The following KREMEN1 variants were observed in gnomAD, a reference collection of about 807,000 sequenced individuals.
The protein encoded by KREMEN1 is kringle containing transmembrane protein 1.
Under a neutral mutation model 46.5 loss-of-function variants are expected in KREMEN1, and 30 were observed. The observed-to-expected ratio is 0.65, with a 90% confidence interval of 0.48 to 0.88. The LOEUF is 0.88. Among genes scored for constraint, KREMEN1 ranks in the 40% least tolerant of loss-of-function variants. The probability of loss-of-function intolerance (pLI) is 0.00; values close to 1 mark genes in which losing one functional copy is unlikely to be tolerated. For synonymous variants in KREMEN1, 214 were observed against 230.6 expected, an observed-to-expected ratio of 0.93 and a Z score of 0.65; for missense variants, 533 against 596.9, an observed-to-expected ratio of 0.89 and a Z score of 1.11.
intron 5 of KREMEN1, 56 bp downstream of exon 5, chr22:29,125,472 C>T: frequency 6.3e-7 from 1 of 1,576,672 alleles, no homozygotes; most frequent in Non-Finnish European, 8.7e-7. Flanking sequence ...TGGACCAGAG[C>T]AACAAGCCTG....
intron 9 of KREMEN1, among the ~76,000 whole-genome samples, chr22:29,163,098 C>T (rs2039025164): frequency 6.6e-6 from 1 of 152,036 alleles, no homozygotes; most frequent in Non-Finnish European, 1.5e-5. Context: ...CTGTAATCCC[C>T]ACGTGTTGAG....
Position 29,094,341 on chromosome 22 carries a change from A to G in KREMEN1, c.181A>G (p.Asn61Asp). Residue 61 changes from asparagine to aspartate, a missense_variant, in exon 2 of 9, where the codon AAC becomes GAC. Asn to Asp is a conservative substitution (Grantham distance 23). Coordinates refer to ENST00000400335, the MANE Select transcript of KREMEN1 (RefSeq NM_001039570.3). Reference protein sequence around the residue: ...LQGGKPCLFWNETFQHPYNTL... With the variant: ...LQGGKPCLFWDETFQHPYNTL... Reference sequence around the variant, plus strand: ...AGGCGGGAAGCCATGTCTGTTTTGGAACGAGACTTTCCAGCATCCATACAA... The same window carrying G: ...AGGCGGGAAGCCATGTCTGTTTTGGGACGAGACTTTCCAGCATCCATACAA... 1 of 1,614,096 alleles carries G rather than the reference A, an allele frequency of 6.2e-7. No homozygotes were observed. Among genetic ancestry groups the G allele is most frequent in the Non-Finnish European group, 8.5e-7 (1 of 1,179,984 alleles).
At chr22:29,120,323 T>G in intron 3 of KREMEN1, among the ~76,000 whole-genome samples, 1 of 140,380 alleles carries the variant, frequency 7.1e-6, no homozygotes, top group African/African-American at 2.7e-5. Context: ...GAGGGAGAGG[T>G]GATGATGGAA....
chr22:29,146,034 C>T lies in KREMEN1; in HGVS notation c.*3922C>T, dbSNP rs1316183020. The T allele has an allele frequency of 2.6e-5, 26 of 985,836 alleles. No homozygotes were observed. The highest frequency in any genetic ancestry group is 4.7e-5 in the South Asian group (1 of 21,280). The allele number at this position is 985,836 out of a possible 1,614,324, so 61.1% of individuals were successfully genotyped here. The stretch of plus-strand genomic sequence containing the variant: ...CGCTTACTCTTCACAAGCACTTATA[C>T]GCGGATGGCCTCCGAGACCCTGCCT... On this transcript the variant is annotated 3_prime_UTR_variant, in exon 9 of 9. Transcript: ENST00000400335.
At chr22:29,076,827 G>C (rs1291075021) in intron 1 of KREMEN1, among the ~76,000 whole-genome samples, 1 of 152,196 alleles carries the variant, frequency 6.6e-6, no homozygotes, top group Non-Finnish European at 1.5e-5. Context: ...ACTCCAGCCT[G>C]GGCAATAAGA....
downstream of KREMEN1, among the ~76,000 whole-genome samples, chr22:29,150,226 G>T (rs755354789): frequency 0.086 from 13,069 of 152,268 alleles, 589 homozygotes; most frequent in South Asian, 0.11. Context: ...ACTGGTGGGG[G>T]GGGGGGCAGT....
chr22:29,134,348 G>T (rs2038622545), intron 5 of KREMEN1, among the ~76,000 whole-genome samples: 1 of 151,822 alleles, frequency 6.6e-6, no homozygotes, highest in Non-Finnish European at 1.5e-5. Flanking sequence ...GTAGAGATGG[G>T]GTCTCACTGT....
At chr22:29,120,109 A>AACAG (rs56775329) in intron 3 of KREMEN1, among the ~76,000 whole-genome samples, 2 of 10,030 alleles carry the variant, frequency 2.0e-4, no homozygotes, top group African/African-American at 7.1e-4. Flanking sequence ...TGATGAAGGA[A>AACAG]ATGGAGGAGG....
chr22:29,165,062 G>T (rs889001125), intron 9 of KREMEN1, among the ~76,000 whole-genome samples: 1 of 151,872 alleles, frequency 6.6e-6, no homozygotes, highest in Non-Finnish European at 1.5e-5. Context: ...GGTCCCAGCT[G>T]CTCAGGAGGC....
At chr22:29,152,955 C>T (rs756271234) in intron 9 of KREMEN1, among the ~76,000 whole-genome samples, 5 of 152,182 alleles carry the variant, frequency 3.3e-5, no homozygotes, top group Admixed American at 3.3e-4. Context: ...ACTGAGTAGA[C>T]TTACGGTTAT....
chr22:29,138,767 C>A lies in KREMEN1; in HGVS notation c.1108C>A (p.Pro370Thr). 2 of 1,614,236 alleles carry A rather than the reference C, an allele frequency of 1.2e-6. No homozygotes were observed. The highest frequency in any genetic ancestry group is 2.2e-5 in the East Asian group (1 of 44,886). Residue 370 changes from proline to threonine, a missense_variant, in exon 7 of 9, where the codon CCT becomes ACT. Pro to Thr is a conservative substitution (Grantham distance 38). Coordinates refer to ENST00000400335, the MANE Select transcript of KREMEN1 (RefSeq NM_001039570.3). ...CATCACCACCAGCCCCAGCCACCCA[C>A]CTCAGACTGTCCCAGGTAGCAATTC... ...YVITTSPSHP[P>T]QTVPGWTVYG...
At chr22:29,107,636 C>A (rs762612483) in intron 3 of KREMEN1, among the ~76,000 whole-genome samples, 18 of 152,110 alleles carry the variant, frequency 1.2e-4, no homozygotes, top group Non-Finnish European at 2.6e-4. Flanking sequence ...ATAATCCCAG[C>A]ACTTTGGGAG....
Position 29,073,981 on chromosome 22 carries a change from GCGACGCCCC to G in KREMEN1, c.97+757_97+765del, listed in dbSNP as rs1354494832. 3.3e-5 allele frequency among the ~76,000 whole-genome samples: 5 copies of G among 151,886 alleles called. No individual in the cohort carries two copies. The highest frequency in any genetic ancestry group is 5.9e-5 in the Non-Finnish European group (4 of 67,940). The stretch of plus-strand genomic sequence containing the variant: ...CAAGGTCCCCTCCCTGAGCCTCACT[GCGACGCCCC>G]CGCGTCCCCCAGTCCTCTCCTCCCG... On this transcript the variant is annotated intron_variant, in intron 1 of 8. Transcript: ENST00000400335. This position sits in a 1 kb window ranked among gnomAD's most constrained non-coding sequence, Gnocchi z 4.4.
At chr22:29,137,270 T>C in intron 5 of KREMEN1, 72 bp from the exon 6 acceptor site, 2 of 1,066,154 alleles carry the variant, frequency 1.9e-6, no homozygotes, top group Non-Finnish European at 2.6e-6. Flanking sequence ...AAGGCTTTAG[T>C]GCCTTGGTGT....
intron 1 of KREMEN1, among the ~76,000 whole-genome samples, chr22:29,080,788 T>A (rs1459096484): frequency 6.6e-6 from 1 of 152,080 alleles, no homozygotes; most frequent in Non-Finnish European, 1.5e-5. Flanking sequence ...ACTAAAGAGG[T>A]ACTACTGGCA....
At chr22:29,157,981 A>C (rs117170432) in intron 9 of KREMEN1, among the ~76,000 whole-genome samples, 2,588 of 152,274 alleles carry the variant, frequency 0.017, 29 homozygotes, top group Middle Eastern at 0.058. Context: ...TCTCACCTGG[A>C]TGCAAAGGCC....
rs557076608 is a variant in KREMEN1 at position 29,164,640 on chromosome 22, G to A, written c.1417-2404G>A. ...GGGTGCCTGTAATCCCAGCTACTTC[G>A]GAGGCTGAGGCAGGAGAATCACTTG... On this transcript the variant is annotated intron_variant, in intron 9 of 9. Transcript: ENST00000327813. 1.3e-4 allele frequency among the ~76,000 whole-genome samples: 19 copies of A among 151,414 alleles called. No individual in the cohort carries two copies. In the South Asian group the frequency reaches 3.3e-3, roughly 27 times the overall value.
chr22:29,116,250 G>A (rs1478448499), intron 3 of KREMEN1, among the ~76,000 whole-genome samples: 1 of 152,190 alleles, frequency 6.6e-6, no homozygotes, highest in Non-Finnish European at 1.5e-5. Flanking sequence ...TAGAATAGGA[G>A]GCTGATGCAG....
At chr22:29,164,051 G>A (rs574807302) in intron 9 of KREMEN1, among the ~76,000 whole-genome samples, 5 of 150,968 alleles carry the variant, frequency 3.3e-5, no homozygotes, top group South Asian at 2.1e-4. Context: ...CTGGGCTCAA[G>A]GGATCTTCCC....
Sources: allele counts gnomAD v4.1 joint callset (sites outside exome capture counted in the v4.1 genomes callset), GRCh38; gene constraint gnomAD v4.1.1; non-coding constraint Gnocchi (gnomAD v3.1); transcripts MANE v1.5; gene names NCBI Gene and HGNC (gene_info 2026-07-23, HGNC 2026-07-21).